The following HS3ST4 variants were observed in gnomAD, a reference collection of about 807,000 sequenced individuals.
HS3ST4 encodes the protein heparan sulfate glucosamine 3-O-sulfotransferase 4.
In HS3ST4, 17 loss-of-function variants were observed where a neutral mutation model predicts 29.2. That is an observed-to-expected ratio of 0.58 (90% CI 0.40 to 0.87). The LOEUF is 0.87. Ranked by LOEUF, HS3ST4 falls within the 40% of genes least tolerant of loss-of-function variation. HS3ST4 has a pLI of 0.00. For synonymous variants in HS3ST4, 314 were observed against 285.7 expected (o/e 1.10, Z -1.00); for missense variants, 627 against 634.5 (o/e 0.99, Z 0.13).
At chr16:25,922,445 TC>T (rs1343167560) in intron 1 of HS3ST4, among the ~76,000 whole-genome samples, 1 of 152,214 alleles carries the variant, frequency 6.6e-6, no homozygotes, top group Non-Finnish European at 1.5e-5. Flanking sequence ...ATCTTGGGCT[TC>T]CCAGCCTCCA....
chr16:25,926,815 C>T (rs185312591), intron 1 of HS3ST4, among the ~76,000 whole-genome samples: 185 of 152,280 alleles, frequency 1.2e-3, no homozygotes, highest in Non-Finnish European at 2.2e-3. Context: ...TGATGGTTTG[C>T]CCATAAGACC....
intron 1 of HS3ST4, among the ~76,000 whole-genome samples, chr16:25,824,369 C>T (rs1409070321): frequency 6.6e-6 from 1 of 152,164 alleles, no homozygotes; most frequent in Non-Finnish European, 1.5e-5. Flanking sequence ...TAAAGACATA[C>T]CCGAGACTGG....
rs568801293 is a variant in HS3ST4 at position 25,700,454 on chromosome 16, G to A, written c.734+7303G>A. Among the ~76,000 whole-genome samples, 4 of 152,316 alleles carry A rather than the reference G, an allele frequency of 2.6e-5. No homozygotes were observed. In the East Asian group the frequency reaches 7.7e-4, roughly 29 times the overall value. On this transcript the variant is annotated intron_variant, in intron 1 of 1. Coordinates refer to ENST00000331351, the MANE Select transcript of HS3ST4 (RefSeq NM_006040.3). ...GACCCTACGAAACCCTCTATTTTGA[G>A]ATTTGGCTGCTTTCACCGGTGTTCT... is the stretch of plus-strand genomic sequence containing the variant.
chr16:25,845,338 G>A (rs932537131), intron 1 of HS3ST4, among the ~76,000 whole-genome samples: 26 of 152,108 alleles, frequency 1.7e-4, no homozygotes, highest in African/African-American at 5.8e-4. Flanking sequence ...GTGAAACCCT[G>A]TATCTACTAA....
intron 1 of HS3ST4, among the ~76,000 whole-genome samples, chr16:26,041,445 G>A (rs1421830182): frequency 2.6e-5 from 4 of 151,990 alleles, no homozygotes; most frequent in African/African-American, 7.3e-5. Context: ...TAGGCCAATC[G>A]ATTCAGAATC....
chr16:25,738,722 C>T (rs1016581286), intron 1 of HS3ST4, among the ~76,000 whole-genome samples: 19 of 152,152 alleles, frequency 1.2e-4, no homozygotes, highest in African/African-American at 3.6e-4. Flanking sequence ...GTGTGGATGA[C>T]GTCTGCTGTA....
At chr16:26,002,579 C>G (rs899585057) in intron 1 of HS3ST4, among the ~76,000 whole-genome samples, 1 of 151,034 alleles carries the variant, frequency 6.6e-6, no homozygotes, top group African/African-American at 2.4e-5. Flanking sequence ...CTCATTCCAG[C>G]CTGGGTGGCG....
chr16:26,026,943 G>A (rs1969482268), intron 1 of HS3ST4, among the ~76,000 whole-genome samples: 1 of 152,128 alleles, frequency 6.6e-6, no homozygotes, highest in Non-Finnish European at 1.5e-5. Context: ...TGAATCCGTA[G>A]GCTAAGCATT....
chr16:25,746,502 G>A (rs1159990507), intron 1 of HS3ST4, among the ~76,000 whole-genome samples: 4 of 151,694 alleles, frequency 2.6e-5, no homozygotes, highest in Non-Finnish European at 4.4e-5. Flanking sequence ...TAGTCAGAAA[G>A]AAGGCGATAA....
At chr16:25,954,235 G>T (rs1968706658) in intron 1 of HS3ST4, among the ~76,000 whole-genome samples, 1 of 152,166 alleles carries the variant, frequency 6.6e-6, no homozygotes, top group Non-Finnish European at 1.5e-5. Context: ...AAAAGCCAGT[G>T]TTCAGTTTTC....
intron 1 of HS3ST4, among the ~76,000 whole-genome samples, chr16:25,875,142 T>C (rs574551457): frequency 6.6e-6 from 1 of 152,278 alleles, no homozygotes; most frequent in East Asian, 1.9e-4. Flanking sequence ...AGACAGATAA[T>C]TAACAGCTGA....
intron 1 of HS3ST4, among the ~76,000 whole-genome samples, chr16:25,841,853 A>G (rs1453820925): frequency 1.3e-5 from 2 of 152,200 alleles, no homozygotes; most frequent in East Asian, 3.8e-4. Flanking sequence ...TTAAACCCAG[A>G]GCTGTAATGA....
intron 1 of HS3ST4, among the ~76,000 whole-genome samples, chr16:25,733,316 A>G (rs1966584584): frequency 6.6e-6 from 1 of 151,946 alleles, no homozygotes; most frequent in South Asian, 2.1e-4. Context: ...TCCACTTGTG[A>G]GCATCTTGGT....
At chr16:25,794,699 A>G (rs1048437713) in intron 1 of HS3ST4, among the ~76,000 whole-genome samples, 2 of 151,820 alleles carry the variant, frequency 1.3e-5, no homozygotes, top group Non-Finnish European at 2.9e-5. Context: ...TCAGCAGTTT[A>G]TCTATGAGGT....
At chr16:26,049,692 G>C (rs976245887) in intron 1 of HS3ST4, among the ~76,000 whole-genome samples, 1 of 152,064 alleles carries the variant, frequency 6.6e-6, no homozygotes, top group African/African-American at 2.4e-5. Context: ...TGGAGATAGC[G>C]TCAGATTCCA....
chr16:25,753,715 A>T (rs1285604097), intron 1 of HS3ST4, among the ~76,000 whole-genome samples: 1 of 152,158 alleles, frequency 6.6e-6, no homozygotes, highest in Non-Finnish European at 1.5e-5. Context: ...CCTGCATCTT[A>T]ATAAGGAAAG....
intron 1 of HS3ST4, among the ~76,000 whole-genome samples, chr16:25,878,577 T>C (rs1967858524): frequency 6.6e-6 from 1 of 152,120 alleles, no homozygotes; most frequent in South Asian, 2.1e-4. Context: ...GTATTGAGCT[T>C]GTAGGGAATG....
rs371139760 is a variant in HS3ST4, at chr16:26,077,443, A to T, written c.735-58169A>T. Among the ~76,000 whole-genome samples the T allele has an allele frequency of 2.6e-5, 4 of 152,320 alleles. No homozygotes were observed. In the East Asian group the frequency reaches 7.7e-4, roughly 29 times the overall value. ...CTCTGCCCCTGTCTTTCAGCTCCTG[A>T]TCACCTTTTACAATAGGCTGTATTG... On this transcript the variant is annotated intron_variant, in intron 1 of 1. Transcript: ENST00000331351.
intron 1 of HS3ST4, among the ~76,000 whole-genome samples, chr16:26,130,872 C>T (rs531990725): frequency 2.6e-5 from 4 of 152,298 alleles, no homozygotes; most frequent in African/African-American, 9.6e-5. Flanking sequence ...GGATTTCAGC[C>T]TCCTGTGTCA....
Sources: allele counts gnomAD v4.1 joint callset (sites outside exome capture counted in the v4.1 genomes callset), GRCh38; gene constraint gnomAD v4.1.1; transcripts MANE v1.5; gene names NCBI Gene and HGNC (gene_info 2026-07-23, HGNC 2026-07-21).